The following RAB37 variants were observed in gnomAD, a reference collection of about 807,000 sequenced individuals.
RAB37 encodes the protein RAB37, member RAS oncogene family, also known as ras-related protein Rab-37.
A neutral mutation model predicts 33.1 loss-of-function variants in RAB37; 29 were observed. The observed-to-expected ratio is 0.88, with a 90% CI of 0.65 to 1.20. The LOEUF (loss-of-function observed/expected upper bound fraction) is 1.20, where lower values mean the gene tolerates loss of function less well. RAB37 is among the 50% of genes most tolerant of loss of function. The pLI, the probability that RAB37 is intolerant of heterozygous loss-of-function variation, is 0.00. For synonymous variants in RAB37, 128 were observed against 119.5 expected (o/e 1.07, Z -0.47); for missense variants, 299 against 301.1 (o/e 0.99, Z 0.05).
At chr17:74,713,165 C>T (rs1192604830) in intron 1 of RAB37, among the ~76,000 whole-genome samples, 1 of 151,848 alleles carries the variant, frequency 6.6e-6, no homozygotes, top group Non-Finnish European at 1.5e-5. Flanking sequence ...ATTAGCCAGG[C>T]GTGGTGGCGC....
chr17:74,696,165 T>A (rs2032451744), intron 1 of RAB37: 20 of 1,588,704 alleles, frequency 1.3e-5, no homozygotes, highest in Non-Finnish European at 1.7e-5. Flanking sequence ...CTGCCTGGTC[T>A]CTCTGGTCCG....
At chr17:74,741,111 T>G (rs995942396) in intron 2 of RAB37, among the ~76,000 whole-genome samples, 1 of 152,070 alleles carries the variant, frequency 6.6e-6, no homozygotes, top group African/African-American at 2.4e-5. Context: ...GAGTCTTCGA[T>G]TCCAGCTCCA....
chr17:74,735,949 T>A (rs2034468469), upstream of RAB37, among the ~76,000 whole-genome samples: 1 of 152,144 alleles, frequency 6.6e-6, no homozygotes, highest in Non-Finnish European at 1.5e-5. Flanking sequence ...CTCACGCCTG[T>A]AATCCCAGCA....
chr17:74,702,936 G>T (rs572976029), intron 1 of RAB37: 1 of 999,136 alleles, frequency 1.0e-6, no homozygotes, highest in Non-Finnish European at 1.6e-6. Flanking sequence ...GAGCATGCAG[G>T]TCCCAGACAA....
chr17:74,709,704 G>A (rs2033806974), intron 1 of RAB37, among the ~76,000 whole-genome samples: 1 of 151,674 alleles, frequency 6.6e-6, no homozygotes, highest in Non-Finnish European at 1.5e-5. Context: ...TAGCTGGGAC[G>A]ACAGGACCAC....
intron 1 of RAB37, chr17:74,698,619 C>T (rs1054722386): frequency 6.7e-6 from 10 of 1,486,040 alleles, no homozygotes; most frequent in African/African-American, 2.8e-5. Context: ...GGAACCCTCA[C>T]TCCTGGGGAT....
At chr17:74,704,847 T>G in intron 1 of RAB37, 1 of 1,558,886 alleles carries the variant, frequency 6.4e-7, no homozygotes, top group Non-Finnish European at 8.8e-7. Flanking sequence ...TGCTGTCACC[T>G]CCCACCCCAA....
chr17:74,731,115 C>T lies in RAB37; in HGVS notation c.183+1749C>T, dbSNP rs1414210911. Among the ~76,000 whole-genome samples, 3 of 152,124 alleles carry T rather than the reference C, an allele frequency of 2.0e-5. No homozygotes were observed. The East Asian group carries it at 5.8e-4, about 29-fold the overall frequency. On this transcript the variant is annotated intron_variant, in intron 2 of 7. Coordinates refer to the RAB37 transcript ENST00000340415. ...GGCCAGAAACTCAGCCTGGGGACAC[C>T]TGAGCAAAGAACTGGTGGACATCGG...
chr17:74,675,507 A>G (rs1246940932), intron 1 of RAB37, among the ~76,000 whole-genome samples: 2 of 152,100 alleles, frequency 1.3e-5, no homozygotes, highest in East Asian at 3.8e-4. Flanking sequence ...TGTCACATTC[A>G]GTCTCACCTA....
chr17:74,718,326 T>TATCATATCATAC (rs1555591408), intron 1 of RAB37, among the ~76,000 whole-genome samples: 3 of 148,906 alleles, frequency 2.0e-5, no homozygotes, highest in Non-Finnish European at 4.5e-5. Context: ...CATCATATCA[T>TATCATATCATAC]ATCATATCAT....
intron 1 of RAB37, among the ~76,000 whole-genome samples, chr17:74,728,813 A>G (rs1036726814): frequency 1.1e-4 from 16 of 148,846 alleles, no homozygotes; most frequent in African/African-American, 1.5e-4. Flanking sequence ...ACATGTGTAC[A>G]TGTGTTTTTC....
At chr17:74,732,775 TGAG>T (rs1598315286), upstream of RAB37, among the ~76,000 whole-genome samples, 1 of 13,358 alleles carries the variant, frequency 7.5e-5, no homozygotes, top group Non-Finnish European at 2.0e-4. Context: ...ATTTGAGGGG[TGAG>T]GTGTGTGTGG....
At chr17:74,718,299 C>CATCATATCATATCATACATCAT (rs1555591381) in intron 1 of RAB37, among the ~76,000 whole-genome samples, 59 of 147,170 alleles carry the variant, frequency 4.0e-4, no homozygotes, top group Non-Finnish European at 5.8e-4. Flanking sequence ...GTCTCTAAAA[C>CATCATATCATATCATACATCAT]ATCATATCAT....
At chr17:74,728,026 T>C (rs532381574) in intron 1 of RAB37, among the ~76,000 whole-genome samples, 47 of 152,140 alleles carry the variant, frequency 3.1e-4, no homozygotes, top group Non-Finnish European at 5.9e-4. Context: ...TATATATGTG[T>C]TTGTGTTATA....
chr17:74,675,075 T>G (rs992468894), intron 1 of RAB37, among the ~76,000 whole-genome samples: 24 of 152,210 alleles, frequency 1.6e-4, no homozygotes, highest in African/African-American at 5.8e-4. Flanking sequence ...CCTGCCTTAT[T>G]ATTTTTGAGC....
At chr17:74,710,320 T>C (rs1259748631) in intron 1 of RAB37, among the ~76,000 whole-genome samples, 4 of 152,228 alleles carry the variant, frequency 2.6e-5, no homozygotes, top group African/African-American at 9.6e-5. Context: ...ACATAAAATG[T>C]ATAATTATCA....
chr17:74,716,262 C>T (rs1218850387), intron 1 of RAB37, among the ~76,000 whole-genome samples: 6 of 152,186 alleles, frequency 3.9e-5, no homozygotes, highest in African/African-American at 1.4e-4. Flanking sequence ...ATCTGAGATT[C>T]TCCCTGCTCT....
intron 1 of RAB37, among the ~76,000 whole-genome samples, chr17:74,683,841 T>C (rs1392087008): frequency 6.6e-6 from 1 of 152,110 alleles, no homozygotes; most frequent in Non-Finnish European, 1.5e-5. Context: ...CACAGTGGCA[T>C]TCACTGTCGA....
intron 1 of RAB37, among the ~76,000 whole-genome samples, chr17:74,685,019 T>G (rs143663176): frequency 2.7e-5 from 4 of 150,154 alleles, no homozygotes; most frequent in African/African-American, 9.8e-5. Flanking sequence ...TTGAAACTCA[T>G]AGAAAGGTAC....
Sources: allele counts gnomAD v4.1 joint callset (sites outside exome capture counted in the v4.1 genomes callset), GRCh38; gene constraint gnomAD v4.1.1; transcripts MANE v1.5; gene names NCBI Gene and HGNC (gene_info 2026-07-23, HGNC 2026-07-21).